The following PRKCA variants were observed in gnomAD, a reference collection of about 807,000 sequenced individuals.
PRKCA encodes protein kinase C alpha, also known as protein kinase C alpha type.
PRKCA carries 27 observed loss-of-function variants against 87.0 expected under a neutral mutation model. That is an observed-to-expected ratio of 0.31 (90% confidence interval 0.23 to 0.43). The LOEUF (loss-of-function observed/expected upper bound fraction) is 0.43, where lower values mean the gene tolerates loss of function less well. PRKCA is among the 20% of genes least tolerant of loss of function. The probability of loss-of-function intolerance (pLI) is 1.00; values close to 1 mark genes in which losing one functional copy is unlikely to be tolerated. For missense variants in PRKCA, 518 were observed against 852.3 expected (o/e 0.61, Z 4.88); for synonymous variants, 329 against 311.1 (o/e 1.06, Z -0.61).
At chr17:66,789,699 G>C (rs1043187802) in intron 16 of PRKCA, among the ~76,000 whole-genome samples, 11 of 152,172 alleles carry the variant, frequency 7.2e-5, no homozygotes, top group Non-Finnish European at 1.0e-4. Context: ...TGAGTAACTT[G>C]CCAGAAGACA....
chr17:66,594,738 C>T (rs566384470), intron 3 of PRKCA, among the ~76,000 whole-genome samples: 6 of 152,262 alleles, frequency 3.9e-5, no homozygotes, highest in Non-Finnish European at 8.8e-5. Context: ...CTCCTCTCTA[C>T]CACACGGGGC....
At chr17:66,714,570 G>A (rs1380527199) in intron 8 of PRKCA, among the ~76,000 whole-genome samples, 7 of 151,976 alleles carry the variant, frequency 4.6e-5, no homozygotes, top group Non-Finnish European at 8.8e-5. Flanking sequence ...GTCTTCTGAC[G>A]CTGCCACCTG....
At chr17:66,545,081 T>C (rs1431582400) in intron 3 of PRKCA, among the ~76,000 whole-genome samples, 1 of 152,220 alleles carries the variant, frequency 6.6e-6, no homozygotes, top group Non-Finnish European at 1.5e-5. Flanking sequence ...GGAAAATACT[T>C]CTCTGAGCTT....
intron 2 of PRKCA, among the ~76,000 whole-genome samples, chr17:66,460,516 T>G (rs2143963427): frequency 6.6e-6 from 1 of 152,284 alleles, no homozygotes; most frequent in Admixed American, 6.5e-5. Flanking sequence ...GCGTTTTTAT[T>G]TTTTCCGAAT....
chr17:66,602,542 G>A (rs943912176), intron 3 of PRKCA, among the ~76,000 whole-genome samples: 2 of 152,026 alleles, frequency 1.3e-5, no homozygotes, highest in East Asian at 1.9e-4. Flanking sequence ...CGTCGCTCAC[G>A]CTGGGAGCTG....
intron 8 of PRKCA, among the ~76,000 whole-genome samples, chr17:66,727,465 T>C (rs1403148613): frequency 6.6e-6 from 1 of 152,056 alleles, no homozygotes; most frequent in Non-Finnish European, 1.5e-5. Context: ...TGTTAATGAG[T>C]GGACAGTGAG....
rs545202921 is a variant in PRKCA at position 66,304,502 on chromosome 17, CA to C, written c.173+1479del. 4.0e-3 allele frequency among the ~76,000 whole-genome samples: 604 copies of C among 152,252 alleles called. 2 individuals are homozygous for C. The highest frequency in any genetic ancestry group is 5.6e-3 in the Non-Finnish European group (384 of 68,016). ...TTCTTAGCTCCCTCTCCTTCTAGGC[CA>C]GGGGGAGCTGCACAGGGTGGCAGTC... On this transcript the variant is annotated intron_variant, in intron 1 of 16. Transcript: ENST00000413366.
At chr17:66,442,063 TC>T in intron 2 of PRKCA, among the ~76,000 whole-genome samples, 1 of 135,496 alleles carries the variant, frequency 7.4e-6, no homozygotes, top group East Asian at 2.2e-4. Flanking sequence ...TTAGTCTCTC[TC>T]TCTTTTTTTT....
chr17:66,799,344 T>C (rs1004550343), intron 16 of PRKCA, among the ~76,000 whole-genome samples: 3 of 137,666 alleles, frequency 2.2e-5, no homozygotes, highest in Admixed American at 7.2e-5. Context: ...ATGGTGGTGG[T>C]GGTGGTGGTG....
chr17:66,420,988 A>G (rs1228420873), intron 2 of PRKCA, among the ~76,000 whole-genome samples: 2 of 152,234 alleles, frequency 1.3e-5, no homozygotes, highest in African/African-American at 2.4e-5. Context: ...CATTATTGTT[A>G]TGCTGTCATG....
intron 2 of PRKCA, among the ~76,000 whole-genome samples, chr17:66,346,600 A>G (rs1305452220): frequency 6.6e-6 from 1 of 152,160 alleles, no homozygotes; most frequent in Non-Finnish European, 1.5e-5. Flanking sequence ...CCCTGGGCAT[A>G]TCAACAAAGT....
intron 2 of PRKCA, among the ~76,000 whole-genome samples, chr17:66,347,133 G>T (rs1334388048): frequency 6.6e-6 from 1 of 151,928 alleles, no homozygotes; most frequent in Non-Finnish European, 1.5e-5. Context: ...AGATTTTAAA[G>T]ATTTATTAAT....
chr17:66,513,296 T>C (rs1400328776), intron 3 of PRKCA, among the ~76,000 whole-genome samples: 1 of 152,220 alleles, frequency 6.6e-6, no homozygotes, highest in African/African-American at 2.4e-5. Flanking sequence ...CTAAGATCAA[T>C]AGAGACTTTT....
At chr17:66,394,566 A>T (rs1339214242) in intron 2 of PRKCA, among the ~76,000 whole-genome samples, 1 of 152,160 alleles carries the variant, frequency 6.6e-6, no homozygotes, top group Non-Finnish European at 1.5e-5. Context: ...TCCTGTTGTA[A>T]AGGGGCTTTT....
At chr17:66,493,430 A>G (rs1445303380) in intron 2 of PRKCA, among the ~76,000 whole-genome samples, 2 of 151,974 alleles carry the variant, frequency 1.3e-5, no homozygotes, top group Non-Finnish European at 2.9e-5. Flanking sequence ...TGCATATGAC[A>G]TGATGAAAGG....
chr17:66,738,751 C>G lies in PRKCA; in HGVS notation c.1231-13C>G, dbSNP rs752139285. The G allele has an allele frequency of 6.2e-7, 1 of 1,611,630 alleles. No homozygotes were observed. The highest frequency in any genetic ancestry group is 1.7e-5 in the Admixed American group (1 of 59,890). Reference sequence around the variant, plus strand: ...GGAGGAGCCCTGCTCATGTGTTGAACCTTGGTCTGCAGGATCGGCTGTACT... The same window carrying G: ...GGAGGAGCCCTGCTCATGTGTTGAAGCTTGGTCTGCAGGATCGGCTGTACT... On this transcript the variant is annotated splice_polypyrimidine_tract_variant and intron_variant, in intron 10 of 16. Transcript: ENST00000413366.
At chr17:66,721,327 T>C (rs1598896705) in intron 8 of PRKCA, among the ~76,000 whole-genome samples, 1 of 139,950 alleles carries the variant, frequency 7.1e-6, no homozygotes, top group Non-Finnish European at 1.5e-5. Flanking sequence ...TATCCGGAGG[T>C]GGAGCTTGCA....
At chr17:66,631,976 T>C (rs544636135) in intron 3 of PRKCA, among the ~76,000 whole-genome samples, 1 of 152,326 alleles carries the variant, frequency 6.6e-6, no homozygotes, top group Non-Finnish European at 1.5e-5. Context: ...CATTAAGAGT[T>C]GTATTGGTGG....
intron 13 of PRKCA, among the ~76,000 whole-genome samples, chr17:66,748,276 G>A (rs1598914735): frequency 6.6e-6 from 1 of 152,186 alleles, no homozygotes; most frequent in South Asian, 2.1e-4. Flanking sequence ...ACAGCAGCCA[G>A]ATTCCTGTAT....
Sources: allele counts gnomAD v4.1 joint callset (sites outside exome capture counted in the v4.1 genomes callset), GRCh38; gene constraint gnomAD v4.1.1; transcripts MANE v1.5; gene names NCBI Gene and HGNC (gene_info 2026-07-23, HGNC 2026-07-21).